The following SLC16A6 variants were observed in gnomAD, a reference collection of about 807,000 sequenced individuals.
The protein encoded by SLC16A6 is monocarboxylate transporter 7.
SLC16A6 carries 15 observed loss-of-function variants against 33.8 expected under a neutral mutation model. The observed-to-expected ratio is 0.44, with a 90% confidence interval of 0.30 to 0.68. SLC16A6 has a LOEUF of 0.68. SLC16A6 is among the 30% of genes least tolerant of loss of function. SLC16A6 has a pLI of 0.10. For missense variants in SLC16A6, 451 were observed against 661.5 expected (o/e 0.68, Z 3.49); for synonymous variants, 219 against 248.4 (o/e 0.88, Z 1.11).
intron 1 of SLC16A6, among the ~76,000 whole-genome samples, chr17:68,287,650 A>G (rs1555754695): frequency 1.3e-5 from 2 of 152,130 alleles, no homozygotes. Context: ...GATCTCCATC[A>G]AGGAAAGATG....
intron 2 of SLC16A6, among the ~76,000 whole-genome samples, chr17:68,275,166 G>A (rs967708548): frequency 2.0e-5 from 3 of 152,206 alleles, no homozygotes; most frequent in African/African-American, 7.2e-5. Flanking sequence ...ATAATTGAAA[G>A]TGAATCATCA....
rs1184734308 is a variant in SLC16A6, at chr17:68,269,009, G to A, written c.*87C>T. Reference sequence around the variant, plus strand: ...GTAGTTTTGAAAGTGGAGTAGAGGGGTTAGCTCCTCTGCCTCCTTGTGTCC... The same window carrying A: ...GTAGTTTTGAAAGTGGAGTAGAGGGATTAGCTCCTCTGCCTCCTTGTGTCC... On this transcript the variant is annotated 3_prime_UTR_variant, in exon 6 of 6. Transcript: ENST00000580666. The A allele has an allele frequency of 1.3e-6, 2 of 1,575,348 alleles. No individual in the cohort carries two copies. The highest frequency in any genetic ancestry group is 2.3e-5 in the East Asian group (1 of 44,128).
rs373369380 is a variant in SLC16A6, at chr17:68,271,124, C to T, written c.1036G>A (p.Gly346Arg). ...MAIAEVFGRI[G>R]AGFVLNREPI... ...TCCCTGTTGAGGACAAAACCAGCTC[C>T]GATCCTTCCGAAAACTTCTGCAATG... Residue 346 changes from glycine (G) to arginine (R), a missense_variant, in exon 5 of 6, where the codon GGA becomes AGA. By Grantham distance (125) the Gly-to-Arg change is moderately radical. This residue lies in a region of SLC16A6 where 405 missense variants were observed against 510.7 expected (regional missense o/e 0.79). Transcript: ENST00000580666. This position sits in a 1 kb window ranked among gnomAD's most constrained non-coding sequence, Gnocchi z 5.3. 1.2e-6 allele frequency: 2 copies of T among 1,614,008 alleles called. No homozygotes were observed. Among genetic ancestry groups the T allele is most frequent in the African/African-American group, 1.3e-5 (1 of 74,928 alleles).
intron 2 of SLC16A6, among the ~76,000 whole-genome samples, chr17:68,276,413 C>T (rs2145034834): frequency 6.6e-6 from 1 of 152,186 alleles, no homozygotes; most frequent in South Asian, 2.1e-4. Flanking sequence ...TAAGTGTAAA[C>T]TTAGGGAAGT....
intron 1 of SLC16A6, among the ~76,000 whole-genome samples, chr17:68,287,812 G>A (rs1555754713): frequency 6.6e-6 from 1 of 152,114 alleles, no homozygotes; most frequent in African/African-American, 2.4e-5. Flanking sequence ...GATAATGCCT[G>A]TATTTAAGTA....
chr17:68,276,730 A>G (rs542998805), intron 2 of SLC16A6, among the ~76,000 whole-genome samples: 1 of 152,364 alleles, frequency 6.6e-6, no homozygotes, highest in African/African-American at 2.4e-5. Flanking sequence ...CTGGGATTAC[A>G]GGCGTGAGCC....
At chr17:68,272,149 G>T (rs2075362616) in intron 4 of SLC16A6, among the ~76,000 whole-genome samples, 1 of 152,124 alleles carries the variant, frequency 6.6e-6, no homozygotes, top group Non-Finnish European at 1.5e-5. Flanking sequence ...TGTTGGCCAG[G>T]CTGGTCTCGA....
In SLC16A6 at chr17:68,274,015, C is replaced by A. The variant is rs782622730; in HGVS notation, c.288G>T (p.Leu96Phe). The change falls in exon 3 of 6, where the codon TTG becomes TTT. Residue 96 changes from leucine (L) to phenylalanine (F), a missense_variant. Physicochemically the swap from Leu to Phe is conservative, Grantham distance 22 (BLOSUM62 0). Transcript: ENST00000580666. ...NRFGHRLVVM[L>F]GGLLVSTGMV... The stretch of plus-strand genomic sequence containing the variant: ...TCCCGGTGCTGACAAGTAGCCCCCC[C>A]AACATCACTACCAGACGGTGTCCGA... 2 of 1,614,172 alleles carry A rather than the reference C, an allele frequency of 1.2e-6. No individual in the cohort carries two copies. Among genetic ancestry groups the A allele is most frequent in the African/African-American group, 1.3e-5 (1 of 75,048 alleles).
intron 4 of SLC16A6, 26 bp downstream of exon 4, chr17:68,272,613 T>C (rs782720211): frequency 1.2e-6 from 2 of 1,611,554 alleles, no homozygotes; most frequent in Admixed American, 1.7e-5. Context: ...TCCACATTCA[T>C]ACTTAGGCTG....
In SLC16A6 at chr17:68,271,634, G is replaced by C. The variant is rs368721903; in HGVS notation, c.526C>G (p.Arg176Gly). 8.1e-6 allele frequency: 13 copies of C among 1,613,054 alleles called. 1 individual carries two copies. In the South Asian group the frequency reaches 1.1e-4, roughly 14 times the overall value. ...AGGAGGCTGTATCTCCAGCCAATGCGCTCCTTCAGAGCCATGATTGCTTGA... is the reference window on the plus strand; with the variant it reads ...AGGAGGCTGTATCTCCAGCCAATGCCCTCCTTCAGAGCCATGATTGCTTGA... ...FAPAIMALKE[R>G]IGWRYSLLFV... Residue 176 changes from arginine (R) to glycine (G), a missense_variant, in exon 5 of 6, where the codon CGC becomes GGC. Transcript: ENST00000580666. The surrounding 1 kb of genome is among the most constrained non-coding windows in gnomAD (Gnocchi z 5.3).
At chr17:68,276,154 C>T (rs2075511628) in intron 2 of SLC16A6, among the ~76,000 whole-genome samples, 1 of 151,486 alleles carries the variant, frequency 6.6e-6, no homozygotes, top group Non-Finnish European at 1.5e-5. Context: ...AGTGCAGTGG[C>T]ACAATCTCAG....
chr17:68,271,353 C>T lies in SLC16A6; in HGVS notation c.807G>A (p.Leu269=), dbSNP rs1568404775. ...LEPKADMQQV[L]VKTSPRPSEK... is the part of the protein sequence containing the mutation. ...CGCTTGGCCTGGGGCTGGTCTTCAC[C>T]AGGACCTGCTGCATGTCGGCCTTCG... The change falls in exon 5 of 6, where the codon CTG becomes CTA. Residue 269 remains leucine (L), a synonymous_variant. Transcript: ENST00000580666. The surrounding 1 kb of genome is among the most constrained non-coding windows in gnomAD (Gnocchi z 5.3). 6.2e-7 allele frequency: 1 copy of T among 1,614,216 alleles called. No homozygotes were observed. Among genetic ancestry groups the T allele is most frequent in the Non-Finnish European group, 8.5e-7 (1 of 1,180,042 alleles).
intron 1 of SLC16A6, among the ~76,000 whole-genome samples, chr17:68,283,998 C>T (rs185314897): frequency 6.7e-5 from 10 of 148,166 alleles, no homozygotes; most frequent in African/African-American, 1.8e-4. Flanking sequence ...GGCTGAGGCA[C>T]GAGAATCACT....
In SLC16A6 at chr17:68,268,853, T is replaced by C; in HGVS notation, c.*243A>G. 1 of 577,554 alleles carries C rather than the reference T, an allele frequency of 1.7e-6. No homozygotes were observed. The highest frequency in any genetic ancestry group is 3.6e-5 in the East Asian group (1 of 27,886). The allele number at this position is 577,554 out of a possible 1,614,324, so 35.8% of individuals were successfully genotyped here. On this transcript the variant is annotated 3_prime_UTR_variant, in exon 6 of 6. Transcript: ENST00000580666. ...TTGCTACTGAATACAGCCAGATTTA[T>C]ATATGGAAGAGTGCTTGGTTGTTTT...
chr17:68,289,220 C>T (rs2075910387), intron 1 of SLC16A6, among the ~76,000 whole-genome samples: 1 of 152,024 alleles, frequency 6.6e-6, no homozygotes, highest in African/African-American at 2.4e-5. Context: ...ATCGCTTGAG[C>T]CCGGGAGGTC....
rs569190275 is a variant in SLC16A6, at chr17:68,279,035, A to T, written c.-7-708T>A. ...CATGGGGCCTCCCAAAAAGAAAGTT[A>T]AATGGGAAAAACAGACATGAAGAAC... On this transcript the variant is annotated intron_variant, in intron 1 of 5. Transcript: ENST00000580666. Among the ~76,000 whole-genome samples the T allele has an allele frequency of 7.9e-5, 12 of 152,308 alleles. No individual in the cohort carries two copies. In the South Asian group the frequency reaches 2.5e-3, roughly 32 times the overall value.
rs2075189599 is a variant in SLC16A6 at position 68,267,361 on chromosome 17, T to G, written c.*1735A>C. On this transcript the variant is annotated 3_prime_UTR_variant, in exon 6 of 6. Transcript: ENST00000580666. ...GAGATTTGCTACATCCACCTTGTTTTAGATTATGCCTGTTTTTGACAGACA... is the reference window on the plus strand; with the variant it reads ...GAGATTTGCTACATCCACCTTGTTTGAGATTATGCCTGTTTTTGACAGACA... 1 of 152,218 alleles carries G rather than the reference T, an allele frequency of 6.6e-6. No homozygotes were observed. Among genetic ancestry groups the G allele is most frequent in the Non-Finnish European group, 1.5e-5 (1 of 68,042 alleles). The allele number at this position is 152,218 out of a possible 1,614,324, so 9.4% of individuals were successfully genotyped here. A position where few individuals can be genotyped will look rare whatever the true frequency, so the allele number is the denominator to read the frequency against.
intron 2 of SLC16A6, 21 bp from the exon 3 acceptor site, chr17:68,274,091 G>A (rs1555750136): frequency 6.2e-7 from 1 of 1,607,096 alleles, no homozygotes; most frequent in East Asian, 2.2e-5. Context: ...AGAACAAAAC[G>A]ATATTTTAAC....
At chr17:68,287,552 G>C (rs2075869467) in intron 1 of SLC16A6, among the ~76,000 whole-genome samples, 1 of 152,086 alleles carries the variant, frequency 6.6e-6, no homozygotes, top group East Asian at 1.9e-4. Context: ...TTATGTCTGA[G>C]CTATTCTACT....
Sources: allele counts gnomAD v4.1 joint callset (sites outside exome capture counted in the v4.1 genomes callset), GRCh38; gene constraint gnomAD v4.1.1; regional missense constraint gnomAD v4.1.1; non-coding constraint Gnocchi (gnomAD v3.1); transcripts MANE v1.5; gene names NCBI Gene and HGNC (gene_info 2026-07-23, HGNC 2026-07-21).